OLA1: variants seen among roughly 807,000 people sequenced by gnomAD.
The protein encoded by OLA1 is obg-like ATPase 1.
A neutral mutation model predicts 48.4 loss-of-function variants in OLA1; 14 were observed. The observed-to-expected ratio is 0.29, with a 90% CI of 0.19 to 0.45. The LOEUF (loss-of-function observed/expected upper bound fraction) is 0.45, where lower values mean the gene tolerates loss of function less well. OLA1 is among the 20% of genes least tolerant of loss of function. The pLI, the probability that OLA1 is intolerant of heterozygous loss-of-function variation, is 1.00. For missense variants in OLA1, 325 were observed against 467.1 expected, an observed-to-expected ratio of 0.70 and a Z score of 2.80; for synonymous variants, 127 against 150.4, an observed-to-expected ratio of 0.84 and a Z score of 1.14.
At chr2:174,231,885 G>A (rs940738310) in intron 2 of OLA1, among the ~76,000 whole-genome samples, 12 of 152,262 alleles carry the variant, frequency 7.9e-5, no homozygotes, top group Admixed American at 2.0e-4. Flanking sequence ...AAAGCCTCGC[G>A]AAAGCAAAGA....
At chr2:174,156,302 C>A (rs754048291) in intron 4 of OLA1, among the ~76,000 whole-genome samples, 1 of 152,082 alleles carries the variant, frequency 6.6e-6, no homozygotes, top group Non-Finnish European at 1.5e-5. Context: ...GTAACACACA[C>A]GCACACAAGC....
intron 4 of OLA1, among the ~76,000 whole-genome samples, chr2:174,146,179 T>G (rs890756973): frequency 2.6e-5 from 4 of 152,160 alleles, no homozygotes; most frequent in Non-Finnish European, 5.9e-5. Context: ...GGTGGAGAGG[T>G]AAAGCAGTTC....
At chr2:174,186,652 T>C (rs1022753873) in intron 4 of OLA1, among the ~76,000 whole-genome samples, 1 of 151,560 alleles carries the variant, frequency 6.6e-6, no homozygotes, top group Non-Finnish European at 1.5e-5. Context: ...GGCCAAGACC[T>C]ATGTGCATTA....
rs80211002 is a variant in OLA1, at chr2:174,205,575, A to T, written c.373+17458T>A. ...GAACAAGACCATCTCCCCTGACCTA[A>T]CCCCTTACCTGTGAGAAATACAAAC... On this transcript the variant is annotated intron_variant, in intron 4 of 10. Coordinates refer to ENST00000284719, the MANE Select transcript of OLA1 (RefSeq NM_013341.5). Among the ~76,000 whole-genome samples the T allele has an allele frequency of 3.0e-3, 457 of 152,186 alleles. 4 individuals carry two copies. Among genetic ancestry groups the T allele is most frequent in the African/African-American group, 9.9e-3 (411 of 41,524 alleles).
Position 174,226,030 on chromosome 2 carries a change from T to TA in OLA1, c.246-2871dup, listed in dbSNP as rs1195272670. On this transcript the variant is annotated intron_variant, in intron 3 of 10. Coordinates refer to ENST00000284719, the MANE Select transcript of OLA1 (RefSeq NM_013341.5). ...TAAAACGGTGAAACCCCGTCTCTAC[T>TA]AAAAAAAAATACAAAAAAATTAGCC... 7.1e-5 allele frequency among the ~76,000 whole-genome samples: 7 copies of TA among 98,944 alleles called. 1 individual carries two copies. Among genetic ancestry groups the TA allele is most frequent in the Admixed American group, 2.1e-4 (2 of 9,744 alleles). 64.9% of individuals were successfully genotyped at this position (98,944 alleles called of 152,430 possible). A position where few individuals can be genotyped will look rare whatever the true frequency, so the allele number is the denominator to read the frequency against.
chr2:174,117,048 T>C (rs994733109), intron 7 of OLA1, among the ~76,000 whole-genome samples: 1 of 152,124 alleles, frequency 6.6e-6, no homozygotes, highest in Non-Finnish European at 1.5e-5. Flanking sequence ...GGTGAAGTTA[T>C]AGGGCCCAAC....
At chr2:174,144,601 T>C (rs981963199) in intron 4 of OLA1, among the ~76,000 whole-genome samples, 6 of 152,050 alleles carry the variant, frequency 3.9e-5, no homozygotes, top group African/African-American at 1.4e-4. Flanking sequence ...CATACACTTA[T>C]GTCATAGCAT....
chr2:174,133,212 T>A (rs1411798367), intron 5 of OLA1, among the ~76,000 whole-genome samples: 1 of 152,210 alleles, frequency 6.6e-6, no homozygotes, highest in Non-Finnish European at 1.5e-5. Flanking sequence ...CAACTTACAA[T>A]GGTTCGTTCG....
chr2:174,156,651 C>T (rs1475194039), intron 4 of OLA1, among the ~76,000 whole-genome samples: 1 of 131,500 alleles, frequency 7.6e-6, no homozygotes, highest in Non-Finnish European at 1.5e-5. Flanking sequence ...GTGGCGCCAT[C>T]TTGGCTCACT....
At chr2:174,137,621 G>A (rs1246454721) in intron 5 of OLA1, among the ~76,000 whole-genome samples, 1 of 152,186 alleles carries the variant, frequency 6.6e-6, no homozygotes, top group Admixed American at 6.5e-5. Context: ...ACCTTCTGGA[G>A]AACTTGCTGC....
chr2:174,136,686 T>A lies in OLA1; in HGVS notation c.549+5139A>T, dbSNP rs575696135. ...TCATGAATATTCTTTTTTTTTTTTT[T>A]TCCTGAGACGAGTCTTGGTCTGTAA... On this transcript the variant is annotated intron_variant, in intron 5 of 10. Coordinates refer to ENST00000284719, the MANE Select transcript of OLA1 (RefSeq NM_013341.5). 3.9e-5 allele frequency among the ~76,000 whole-genome samples: 6 copies of A among 151,976 alleles called. No homozygotes were observed. In the South Asian group the frequency reaches 1.2e-3, roughly 31 times the overall value.
intron 2 of OLA1, among the ~76,000 whole-genome samples, chr2:174,229,752 AT>A (rs902287429): frequency 2.6e-5 from 4 of 152,166 alleles, no homozygotes; most frequent in Non-Finnish European, 4.4e-5. Flanking sequence ...TACAAAATCT[AT>A]TTTTTTTCCA....
At chr2:174,091,231 T>C (rs1685105581) in intron 7 of OLA1, among the ~76,000 whole-genome samples, 1 of 152,172 alleles carries the variant, frequency 6.6e-6, no homozygotes, top group African/African-American at 2.4e-5. Flanking sequence ...AGATAAGTAG[T>C]TTTCAACCTC....
chr2:174,184,619 A>C (rs1478489352), intron 4 of OLA1, among the ~76,000 whole-genome samples: 1 of 152,218 alleles, frequency 6.6e-6, no homozygotes, highest in Non-Finnish European at 1.5e-5. Flanking sequence ...TCTAGAGTTT[A>C]GTTAACAGCA....
intron 7 of OLA1, among the ~76,000 whole-genome samples, chr2:174,092,286 T>C (rs2105346926): frequency 6.6e-6 from 1 of 152,306 alleles, no homozygotes; most frequent in South Asian, 2.1e-4. Flanking sequence ...GTGCTTGGCA[T>C]AAGCAGATGC....
chr2:174,219,674 A>C (rs776889380), intron 4 of OLA1, among the ~76,000 whole-genome samples: 1 of 151,954 alleles, frequency 6.6e-6, no homozygotes, highest in Non-Finnish European at 1.5e-5. Flanking sequence ...TGCCTGCCCC[A>C]GTCTCCCAAA....
At chr2:174,197,248 A>C (rs1201669700) in intron 4 of OLA1, among the ~76,000 whole-genome samples, 2 of 152,208 alleles carry the variant, frequency 1.3e-5, no homozygotes, top group African/African-American at 4.8e-5. Context: ...ACAAAACAAC[A>C]AACACCCAAG....
intron 10 of OLA1, among the ~76,000 whole-genome samples, chr2:174,076,143 C>T (rs1391785232): frequency 6.6e-6 from 1 of 152,172 alleles, no homozygotes; most frequent in African/African-American, 2.4e-5. Flanking sequence ...TAACAGGTTG[C>T]AGTTGCAAAG....
At chr2:174,193,502 G>A (rs1413327954) in intron 4 of OLA1, among the ~76,000 whole-genome samples, 1 of 152,060 alleles carries the variant, frequency 6.6e-6, no homozygotes, top group East Asian at 1.9e-4. Flanking sequence ...ATCCTCTTGT[G>A]TGCAACAGTA....
Sources: gnomAD v4.1 joint callset for allele counts (sites outside exome capture counted in the v4.1 genomes callset) on GRCh38, gnomAD v4.1.1 for gene constraint, MANE v1.5 for transcripts, NCBI Gene and HGNC (gene_info 2026-07-23, HGNC 2026-07-21) for gene names.